Variants in GADL1 observed in about 807,000 individuals in gnomAD.
The protein encoded by GADL1 is GAD like acidic amino acid decarboxylase 1.
Under a neutral mutation model 69.5 loss-of-function variants are expected in GADL1, and 71 were observed. The observed-to-expected ratio is 1.02, with a 90% CI of 0.84 to 1.25. The LOEUF (loss-of-function observed/expected upper bound fraction) is 1.25. GADL1 is among the 50% of genes most tolerant of loss of function. The pLI, the probability that GADL1 is intolerant of heterozygous loss-of-function variation, is 0.00. For missense variants in GADL1, 737 were observed against 631.8 expected (o/e 1.17, Z -1.79); for synonymous variants, 254 against 214.4 (o/e 1.18, Z -1.62).
At chr3:30,795,801 A>G (rs1697019803) in intron 12 of GADL1, among the ~76,000 whole-genome samples, 1 of 152,174 alleles carries the variant, frequency 6.6e-6, no homozygotes, top group South Asian at 2.1e-4. Flanking sequence ...CATTGGAGGT[A>G]GACTTTTGCC....
chr3:30,885,962 C>T (rs1352831032), intron 1 of GADL1, among the ~76,000 whole-genome samples: 1 of 151,808 alleles, frequency 6.6e-6, no homozygotes, highest in African/African-American at 2.4e-5. Context: ...GAATATTTTA[C>T]TATTGGCAGA....
At chr3:30,752,063 T>G (rs1025967788) in intron 14 of GADL1, among the ~76,000 whole-genome samples, 1 of 152,192 alleles carries the variant, frequency 6.6e-6, no homozygotes, top group Non-Finnish European at 1.5e-5. Context: ...CAGGCCCATG[T>G]GCTGAAACCT....
At chr3:30,780,574 A>G (rs1050715269) in intron 13 of GADL1, among the ~76,000 whole-genome samples, 17 of 152,176 alleles carry the variant, frequency 1.1e-4, no homozygotes, top group Admixed American at 3.9e-4. Context: ...GGACTCTAAT[A>G]TGTCACCAAA....
intron 4 of GADL1, 26 bp from the exon 5 acceptor site, chr3:30,850,967 C>T (rs1559361055): frequency 3.1e-6 from 4 of 1,287,458 alleles, no homozygotes; most frequent in Non-Finnish European, 3.3e-6. Context: ...AAACACTTCA[C>T]TTCTATGACT....
rs1559362023 is a variant in GADL1, at chr3:30,854,780, C to CT, written c.346dup (p.Arg116LysfsTer11). 2 of 1,541,388 alleles carry CT rather than the reference C, an allele frequency of 1.3e-6. No individual in the cohort carries two copies. Among genetic ancestry groups the CT allele is most frequent in the Admixed American group, 2.0e-5 (1 of 50,752 alleles). On this transcript the variant is annotated frameshift_variant, in exon 4 of 15. Coordinates refer to ENST00000282538, the MANE Select transcript of GADL1 (RefSeq NM_207359.3). LOFTEE classifies it high-confidence loss of function. ...TCCAGCATACAATTGGTTGAAAAAT[C>CT]TTGGGTGGTCTGTAAATTTAAAATG...
Position 30,834,281 on chromosome 3 carries a change from C to G in GADL1, c.904G>C (p.Ala302Pro), listed in dbSNP as rs752615282. 9 of 1,611,722 alleles carry G rather than the reference C, an allele frequency of 5.6e-6. No homozygotes were observed. The African/African-American group carries it at 9.4e-5, about 17-fold the overall frequency. Residue 302 changes from alanine to proline, a missense_variant and splice_region_variant, in exon 10 of 15, where the codon GCT (alanine) becomes CCT (proline). Coordinates refer to ENST00000282538, the MANE Select transcript of GADL1 (RefSeq NM_207359.3). ...ERHSLWLHVD[A>P]SWGGSALMSR... ...ATCAAAGCTGAGCCACCCCAAGAAG[C>G]CTGTTGAGATATTTACAGTACCAGA...
intron 14 of GADL1, 99 bp from the exon 15 acceptor site, chr3:30,728,514 G>A (rs1695405174): frequency 2.3e-6 from 2 of 872,830 alleles, no homozygotes; most frequent in Middle Eastern, 3.5e-4. Context: ...GGCATCCACT[G>A]GTTTGGATCC....
intron 9 of GADL1, 36 bp from the exon 10 acceptor site, chr3:30,834,317 T>C: frequency 1.3e-6 from 2 of 1,553,688 alleles, no homozygotes; most frequent in Non-Finnish European, 1.8e-6. Flanking sequence ...ACAATGTTAT[T>C]TCAATGTTAT....
chr3:30,879,457 C>G (rs1393395592), intron 1 of GADL1, among the ~76,000 whole-genome samples: 1 of 151,902 alleles, frequency 6.6e-6, no homozygotes, highest in East Asian at 1.9e-4. Context: ...CTCTCCCTCT[C>G]TATCCTACTT....
chr3:30,875,692 G>C (rs1040262716), intron 1 of GADL1, among the ~76,000 whole-genome samples: 1 of 151,802 alleles, frequency 6.6e-6, no homozygotes, highest in Non-Finnish European at 1.5e-5. Context: ...TTGCCCTCTC[G>C]GGTGGTTTCC....
chr3:30,839,314 T>A (rs963542282), intron 8 of GADL1, among the ~76,000 whole-genome samples: 2 of 152,022 alleles, frequency 1.3e-5, no homozygotes, highest in Non-Finnish European at 2.9e-5. Context: ...CAGAAAATGC[T>A]ATGGCAATAG....
At chr3:30,764,869 A>T (rs1031413195) in intron 14 of GADL1, among the ~76,000 whole-genome samples, 1 of 152,188 alleles carries the variant, frequency 6.6e-6, no homozygotes, top group African/African-American at 2.4e-5. Context: ...CACTGCCAAC[A>T]TTTGAATTAT....
chr3:30,848,778 T>G (rs1224052910), intron 6 of GADL1, among the ~76,000 whole-genome samples: 11 of 152,208 alleles, frequency 7.2e-5, no homozygotes, highest in Non-Finnish European at 1.6e-4. Context: ...AAAAATCTAT[T>G]ATATCCCAGA....
At chr3:30,854,419 T>C (rs893879521) in intron 4 of GADL1, among the ~76,000 whole-genome samples, 2 of 152,116 alleles carry the variant, frequency 1.3e-5, no homozygotes, top group Non-Finnish European at 2.9e-5. Flanking sequence ...GCACAGAAAA[T>C]GACTTTTCAT....
intron 1 of GADL1, among the ~76,000 whole-genome samples, chr3:30,886,291 A>G (rs1698707958): frequency 6.6e-6 from 1 of 152,104 alleles, no homozygotes. Context: ...TACTGTAGTC[A>G]AGAGGACTAG....
chr3:30,739,603 G>A (rs1162863181), intron 14 of GADL1, among the ~76,000 whole-genome samples: 1 of 152,064 alleles, frequency 6.6e-6, no homozygotes, highest in African/African-American at 2.4e-5. Flanking sequence ...TCATTTTCAT[G>A]TTTTACTGCA....
chr3:30,760,059 AT>A (rs1301053723), intron 14 of GADL1, among the ~76,000 whole-genome samples: 1 of 152,194 alleles, frequency 6.6e-6, no homozygotes, highest in Non-Finnish European at 1.5e-5. Flanking sequence ...TTATTGTCTC[AT>A]ATCACTAAAG....
In GADL1 at chr3:30,810,418, G is replaced by GATATAT. The variant is rs141146207; in HGVS notation, c.1051-9336_1051-9331dup. Among the ~76,000 whole-genome samples, 7 of 151,874 alleles carry GATATAT rather than the reference G, an allele frequency of 4.6e-5. No homozygotes were observed. In the East Asian group the frequency reaches 1.2e-3, roughly 25 times the overall value. On this transcript the variant is annotated intron_variant, in intron 11 of 14. Coordinates refer to ENST00000282538, the MANE Select transcript of GADL1 (RefSeq NM_207359.3). Reference sequence around the variant, plus strand: ...AGACAGATACATAGGTAGATATAGAGATATATATATAGAGAGAGAGATCTG... The same window carrying GATATAT: ...AGACAGATACATAGGTAGATATAGAGATATATATATATATATAGAGAGAGAGATCTG...
chr3:30,894,406 C>A (rs1023739667), intron 1 of GADL1, among the ~76,000 whole-genome samples, 172 bp downstream of exon 1: 8 of 152,196 alleles, frequency 5.3e-5, no homozygotes, highest in South Asian at 2.1e-4. Context: ...AAATAATAAC[C>A]TTTTAGGTAC....
Sources: allele counts gnomAD v4.1 joint callset (sites outside exome capture counted in the v4.1 genomes callset), GRCh38; gene constraint gnomAD v4.1.1; transcripts MANE v1.5; gene names NCBI Gene and HGNC (gene_info 2026-07-23, HGNC 2026-07-21).